Variants in LRRTM4 observed in about 807,000 individuals in gnomAD.
The protein encoded by LRRTM4 is leucine rich repeat transmembrane neuronal 4, also known as leucine-rich repeat transmembrane neuronal protein 4.
Under a neutral mutation model 47.6 loss-of-function variants are expected in LRRTM4, and 25 were observed. The observed-to-expected ratio is 0.53, with a 90% CI of 0.38 to 0.73. The LOEUF (loss-of-function observed/expected upper bound fraction) is 0.73. Among genes scored for constraint, LRRTM4 ranks in the 30% least tolerant of loss-of-function variants. The pLI, the probability that LRRTM4 is intolerant of heterozygous loss-of-function variation, is 0.00. For synonymous variants in LRRTM4, 311 were observed against 269.5 expected, an observed-to-expected ratio of 1.15 and a Z score of -1.51; for missense variants, 638 against 713.4, an observed-to-expected ratio of 0.89 and a Z score of 1.20.
intron 3 of LRRTM4, among the ~76,000 whole-genome samples, chr2:77,505,031 G>C (rs1385131564): frequency 6.6e-6 from 1 of 150,942 alleles, no homozygotes; most frequent in East Asian, 1.9e-4. Flanking sequence ...GCTAGAAAAA[G>C]ATAAATTATT....
intron 3 of LRRTM4, among the ~76,000 whole-genome samples, chr2:77,326,522 T>C (rs987376858): frequency 7.2e-5 from 11 of 152,076 alleles, no homozygotes; most frequent in African/African-American, 2.7e-4. Flanking sequence ...GCCTCCTGAG[T>C]AGCTAGGACT....
At chr2:77,506,128 G>T (rs1407129212) in intron 3 of LRRTM4, among the ~76,000 whole-genome samples, 2 of 151,524 alleles carry the variant, frequency 1.3e-5, no homozygotes, top group African/African-American at 2.4e-5. Context: ...TTGTAATAAA[G>T]AGTGAATCCT....
intron 3 of LRRTM4, among the ~76,000 whole-genome samples, chr2:76,941,789 T>G (rs13423489): frequency 0.29 from 44,137 of 152,044 alleles, 8,313 homozygotes; most frequent in African/African-American, 0.54. Context: ...GCATGTGTCT[T>G]TAGAGTAGAA....
intron 3 of LRRTM4, among the ~76,000 whole-genome samples, chr2:77,196,619 C>T (rs902667302): frequency 6.6e-6 from 1 of 152,024 alleles, no homozygotes; most frequent in Non-Finnish European, 1.5e-5. Context: ...TAGCAGGCAC[C>T]TGTATTCCCA....
At chr2:76,979,721 GAT>G (rs2103963188) in intron 3 of LRRTM4, among the ~76,000 whole-genome samples, 1 of 150,910 alleles carries the variant, frequency 6.6e-6, no homozygotes, top group East Asian at 2.0e-4. Flanking sequence ...TAGATAGATA[GAT>G]AGATGCATAC....
intron 3 of LRRTM4, among the ~76,000 whole-genome samples, chr2:77,155,662 A>G (rs901455568): frequency 6.6e-6 from 1 of 152,098 alleles, no homozygotes; most frequent in Non-Finnish European, 1.5e-5. Context: ...ATGAAGAAAG[A>G]TATCAAAGAG....
At chr2:77,326,929 T>C (rs1670798531) in intron 3 of LRRTM4, among the ~76,000 whole-genome samples, 1 of 152,210 alleles carries the variant, frequency 6.6e-6, no homozygotes, top group Non-Finnish European at 1.5e-5. Context: ...TGTGCTTCCA[T>C]TTTCCTCTCA....
chr2:77,368,359 G>A (rs1209348348), intron 3 of LRRTM4, among the ~76,000 whole-genome samples: 1 of 151,750 alleles, frequency 6.6e-6, no homozygotes. Context: ...TATTAGAGGG[G>A]CATCCAGTTT....
chr2:76,809,197 T>C (rs1440439021), intron 3 of LRRTM4, among the ~76,000 whole-genome samples: 29 of 152,196 alleles, frequency 1.9e-4, no homozygotes, highest in Admixed American at 1.9e-3. Flanking sequence ...TTAACATCCT[T>C]TTATCAGTGG....
At chr2:77,382,309 T>G (rs1026666220) in intron 3 of LRRTM4, among the ~76,000 whole-genome samples, 2 of 152,062 alleles carry the variant, frequency 1.3e-5, no homozygotes, top group Admixed American at 6.6e-5. Context: ...AGAAAGAAAA[T>G]GTAATTTGCT....
intron 3 of LRRTM4, among the ~76,000 whole-genome samples, chr2:77,201,729 C>G (rs975435832): frequency 1.3e-5 from 2 of 152,004 alleles, no homozygotes; most frequent in African/African-American, 4.8e-5. Context: ...TTTCTGATAT[C>G]TTTATAATAT....
Position 77,291,801 on chromosome 2 carries a change from TA to T in LRRTM4, c.1551+226516del, listed in dbSNP as rs369217247. Among the ~76,000 whole-genome samples the T allele has an allele frequency of 4.3e-3, 656 of 152,126 alleles. 6 individuals are homozygous for T. The highest frequency in any genetic ancestry group is 0.015 in the African/African-American group (628 of 41,510). On this transcript the variant is annotated intron_variant, in intron 3 of 3. Transcript: ENST00000409884. ...TTACTTCTCTAAAACACATCATGTC[TA>T]AAACACCAAAAGCAATGGCAACAAA...
intron 3 of LRRTM4, among the ~76,000 whole-genome samples, chr2:76,854,786 T>C (rs767525505): frequency 1.7e-4 from 25 of 150,924 alleles, no homozygotes; most frequent in Non-Finnish European, 3.1e-4. Flanking sequence ...GGATACATCA[T>C]TGAATGAAGT....
intron 3 of LRRTM4, among the ~76,000 whole-genome samples, chr2:77,275,068 G>C (rs1036685018): frequency 6.6e-6 from 1 of 151,986 alleles, no homozygotes; most frequent in East Asian, 1.9e-4. Flanking sequence ...AAAAAAAAGA[G>C]GGAAGAGACA....
chr2:77,131,056 G>C (rs1302573881), intron 3 of LRRTM4, among the ~76,000 whole-genome samples: 1 of 135,286 alleles, frequency 7.4e-6, no homozygotes, highest in East Asian at 2.3e-4. Context: ...GGATGGTCTC[G>C]ATATCCTGAC....
intron 3 of LRRTM4, among the ~76,000 whole-genome samples, chr2:76,802,957 T>A (rs2103780748): frequency 6.6e-6 from 1 of 152,148 alleles, no homozygotes; most frequent in Admixed American, 6.5e-5. Context: ...AACTCAAAAT[T>A]GATTGAAAAC....
intron 3 of LRRTM4, among the ~76,000 whole-genome samples, chr2:77,486,394 A>T (rs1677911193): frequency 6.6e-6 from 1 of 152,196 alleles, no homozygotes; most frequent in African/African-American, 2.4e-5. Context: ...AATAAAATAA[A>T]ATATCTTTCT....
chr2:77,173,166 G>GCGGCAGAA (rs1421318640), intron 3 of LRRTM4, among the ~76,000 whole-genome samples: 2 of 152,152 alleles, frequency 1.3e-5, no homozygotes, highest in African/African-American at 4.8e-5. Context: ...CAGGGATTAG[G>GCGGCAGAA]TGGCAGAATC....
intron 3 of LRRTM4, among the ~76,000 whole-genome samples, chr2:77,353,806 T>C (rs1671871829): frequency 6.6e-6 from 1 of 152,168 alleles, no homozygotes; most frequent in Non-Finnish European, 1.5e-5. Context: ...ATGCAGCTGA[T>C]ACAAGGCAGG....
Sources: allele counts gnomAD v4.1 joint callset (sites outside exome capture counted in the v4.1 genomes callset), GRCh38; gene constraint gnomAD v4.1.1; transcripts MANE v1.5; gene names NCBI Gene and HGNC (gene_info 2026-07-23, HGNC 2026-07-21).